Variants in KCNIP4 observed in about 807,000 individuals in gnomAD.
The protein encoded by KCNIP4 is potassium voltage-gated channel interacting protein 4.
In KCNIP4, 12 loss-of-function variants were observed where a neutral mutation model predicts 34.0. That is an observed-to-expected ratio of 0.35 (90% confidence interval 0.23 to 0.57). The LOEUF (loss-of-function observed/expected upper bound fraction) is 0.57. Ranked by LOEUF, KCNIP4 falls within the 20% of genes least tolerant of loss-of-function variation. The probability of loss-of-function intolerance (pLI) is 0.83; values close to 1 mark genes in which losing one functional copy is unlikely to be tolerated. For synonymous variants in KCNIP4, 124 were observed against 102.2 expected, an observed-to-expected ratio of 1.21 and a Z score of -1.29; for missense variants, 238 against 311.7, an observed-to-expected ratio of 0.76 and a Z score of 1.78.
At chr4:21,598,722 A>G (rs1461067970) in intron 1 of KCNIP4, among the ~76,000 whole-genome samples, 5 of 102,566 alleles carry the variant, frequency 4.9e-5, no homozygotes, top group African/African-American at 1.9e-4. Flanking sequence ...ATGTTTAACT[A>G]AGAAAAGTAA....
chr4:21,681,519 C>G (rs1451106106), intron 1 of KCNIP4, among the ~76,000 whole-genome samples: 1 of 152,182 alleles, frequency 6.6e-6, no homozygotes, highest in Non-Finnish European at 1.5e-5. Context: ...GGCACTTGCT[C>G]TTTAACCTTG....
intron 1 of KCNIP4, among the ~76,000 whole-genome samples, chr4:21,681,039 T>C (rs1213985319): frequency 6.6e-6 from 1 of 152,174 alleles, no homozygotes; most frequent in Non-Finnish European, 1.5e-5. Context: ...TACTTATAAA[T>C]GTCCTAGATG....
At chr4:21,213,790 C>T (rs905070212) in intron 1 of KCNIP4, among the ~76,000 whole-genome samples, 2 of 152,204 alleles carry the variant, frequency 1.3e-5, no homozygotes, top group South Asian at 4.1e-4. Context: ...CCTCTCTCCA[C>T]ACACAACGTT....
chr4:20,931,072 A>G (rs1730415372), intron 1 of KCNIP4, among the ~76,000 whole-genome samples: 1 of 152,016 alleles, frequency 6.6e-6, no homozygotes. Context: ...ATCACCTTGT[A>G]AAGATATCTG....
chr4:21,555,665 C>G (rs1040025040), intron 1 of KCNIP4, among the ~76,000 whole-genome samples: 1 of 152,084 alleles, frequency 6.6e-6, no homozygotes, highest in Non-Finnish European at 1.5e-5. Context: ...AACATATGCT[C>G]AAATACTGGT....
intron 1 of KCNIP4, among the ~76,000 whole-genome samples, chr4:21,431,976 T>A (rs1461912577): frequency 2.0e-5 from 3 of 149,966 alleles, no homozygotes; most frequent in East Asian, 4.0e-4. Flanking sequence ...TGATCAATAA[T>A]AATGGAGTGC....
At chr4:21,584,660 A>G (rs1741481070) in intron 1 of KCNIP4, among the ~76,000 whole-genome samples, 1 of 152,126 alleles carries the variant, frequency 6.6e-6, no homozygotes, top group Non-Finnish European at 1.5e-5. Flanking sequence ...ACTCAGAGAC[A>G]TGTGGCTCAA....
chr4:20,991,126 C>T (rs1223113357), intron 1 of KCNIP4, among the ~76,000 whole-genome samples: 1 of 152,196 alleles, frequency 6.6e-6, no homozygotes, highest in African/African-American at 2.4e-5. Flanking sequence ...TTCAAGAATT[C>T]TCACTCAAGA....
chr4:20,850,431 A>G, intron 3 of KCNIP4, 112 bp downstream of exon 3: 4 of 1,143,824 alleles, frequency 3.5e-6, no homozygotes, highest in Non-Finnish European at 5.0e-6. Context: ...TCAGTATGAA[A>G]TATACATATG....
In KCNIP4 at chr4:21,266,706, T is replaced by C. The variant is rs188082684; in HGVS notation, c.62-383997A>G. 1.5e-3 allele frequency among the ~76,000 whole-genome samples: 221 copies of C among 152,318 alleles called. 1 individual carries two copies. The highest frequency in any genetic ancestry group is 3.7e-3 in the South Asian group (18 of 4,818). Reference sequence around the variant, plus strand: ...GTAGATCTTGTCTTAATTATAAACCTACAAGTACTTCAGCATAGCTGGAAA... The same window carrying C: ...GTAGATCTTGTCTTAATTATAAACCCACAAGTACTTCAGCATAGCTGGAAA... On this transcript the variant is annotated intron_variant, in intron 1 of 8. Transcript: ENST00000382152.
At chr4:20,906,288 T>C (rs1361008684) in intron 1 of KCNIP4, among the ~76,000 whole-genome samples, 2 of 152,156 alleles carry the variant, frequency 1.3e-5, no homozygotes, top group African/African-American at 4.8e-5. Flanking sequence ...AAGGTTCTTC[T>C]GGTCATCCGA....
intron 1 of KCNIP4, among the ~76,000 whole-genome samples, chr4:21,338,586 G>T (rs573580024): frequency 6.7e-6 from 1 of 150,202 alleles, no homozygotes; most frequent in South Asian, 2.1e-4. Context: ...CAGCCTAGGT[G>T]ACAGAGTGAG....
chr4:21,307,153 G>A (rs962857232), intron 1 of KCNIP4, among the ~76,000 whole-genome samples: 6 of 152,160 alleles, frequency 3.9e-5, no homozygotes, highest in Non-Finnish European at 7.3e-5. Context: ...CTATTGAAGA[G>A]CATCAGAGTG....
At chr4:21,719,977 A>AGAAG (rs1553924587) in intron 1 of KCNIP4, among the ~76,000 whole-genome samples, 1 of 133,520 alleles carries the variant, frequency 7.5e-6, no homozygotes, top group Admixed American at 8.1e-5. Flanking sequence ...AAAAAAAAAA[A>AGAAG]AAGAAGAAGA....
chr4:21,750,517 T>C (rs1276869703), intron 1 of KCNIP4, among the ~76,000 whole-genome samples: 2 of 152,278 alleles, frequency 1.3e-5, no homozygotes, highest in South Asian at 2.1e-4. Flanking sequence ...AGCTTGATGA[T>C]GGTTTGACTA....
intron 1 of KCNIP4, among the ~76,000 whole-genome samples, chr4:21,556,920 C>CAAAAAAAAAACAAAAACAAAAAA (rs1281543089): frequency 2.8e-5 from 1 of 35,664 alleles, no homozygotes; most frequent in African/African-American, 1.0e-4. Flanking sequence ...GACTCCATCT[C>CAAAAAAAAAACAAAAACAAAAAA]AGAAAAAAAA....
chr4:21,622,870 G>A (rs10004890), intron 1 of KCNIP4, among the ~76,000 whole-genome samples: 80,491 of 151,990 alleles, frequency 0.53, 21,757 homozygotes, highest in African/African-American at 0.63. Flanking sequence ...ATCAATTTCT[G>A]TGACTTGTTT....
intron 1 of KCNIP4, among the ~76,000 whole-genome samples, chr4:21,790,969 C>CAAAAAAAAAAAAAAAAA (rs10560597): frequency 2.2e-5 from 2 of 89,630 alleles, no homozygotes; most frequent in Non-Finnish European, 2.2e-5. Flanking sequence ...GCGCACTCCA[C>CAAAAAAAAAAAAAAAAA]AAAAAAAAAA....
chr4:20,854,999 A>G (rs1721425486), intron 2 of KCNIP4, among the ~76,000 whole-genome samples: 1 of 152,192 alleles, frequency 6.6e-6, no homozygotes, highest in South Asian at 2.1e-4. Flanking sequence ...GTCACAAAAT[A>G]TTAAATTATA....
Sources: allele counts gnomAD v4.1 joint callset (sites outside exome capture counted in the v4.1 genomes callset), GRCh38; gene constraint gnomAD v4.1.1; transcripts MANE v1.5; gene names NCBI Gene and HGNC (gene_info 2026-07-23, HGNC 2026-07-21).